Variants in LRP1B observed in about 807,000 individuals in gnomAD.
The protein encoded by LRP1B is low-density lipoprotein receptor-related protein 1B.
LRP1B carries 217 observed loss-of-function variants against 556.6 expected under a neutral mutation model. The observed-to-expected ratio is 0.39, with a 90% CI of 0.35 to 0.44. The LOEUF (loss-of-function observed/expected upper bound fraction) is 0.44. Among genes scored for constraint, LRP1B ranks in the 20% least tolerant of loss-of-function variants. The pLI is 1.00. For synonymous variants in LRP1B, 2,047 were observed against 1,865.8 expected (o/e 1.10, Z -2.50); for missense variants, 5,053 against 5,620.8 (o/e 0.90, Z 3.23).
chr2:141,988,966 A>G (rs1160023150), intron 1 of LRP1B, among the ~76,000 whole-genome samples: 3 of 152,078 alleles, frequency 2.0e-5, no homozygotes, highest in African/African-American at 7.2e-5. Context: ...TGTGTATAAA[A>G]TAGATGTGTT....
intron 1 of LRP1B, among the ~76,000 whole-genome samples, chr2:141,905,533 G>A (rs1034047339): frequency 2.6e-5 from 4 of 151,476 alleles, no homozygotes; most frequent in East Asian, 1.9e-4. Context: ...AAATTGTCAA[G>A]TGATGGTTCT....
chr2:140,861,193 G>A (rs1692786682), intron 27 of LRP1B, among the ~76,000 whole-genome samples: 1 of 152,164 alleles, frequency 6.6e-6, no homozygotes, highest in Non-Finnish European at 1.5e-5. Flanking sequence ...GATCACCTGA[G>A]GTCAGGAGAT....
chr2:140,660,854 T>C (rs1036453131), intron 41 of LRP1B, among the ~76,000 whole-genome samples: 1 of 144,526 alleles, frequency 6.9e-6, no homozygotes, highest in African/African-American at 2.7e-5. Context: ...CCCATTAGGT[T>C]CTTCCTGTCT....
chr2:141,806,519 G>T (rs374370295), intron 2 of LRP1B, among the ~76,000 whole-genome samples: 1 of 151,860 alleles, frequency 6.6e-6, no homozygotes, highest in Admixed American at 6.6e-5. Flanking sequence ...TTTTCCAATT[G>T]TGTATTTTAG....
chr2:141,844,676 T>A (rs780854184), intron 1 of LRP1B, among the ~76,000 whole-genome samples: 1 of 152,068 alleles, frequency 6.6e-6, no homozygotes, highest in Non-Finnish European at 1.5e-5. Context: ...TGAAACCTCT[T>A]TGTCTTAGAA....
chr2:141,141,954 A>C (rs910646665), intron 7 of LRP1B, among the ~76,000 whole-genome samples: 1 of 152,220 alleles, frequency 6.6e-6, no homozygotes, highest in East Asian at 1.9e-4. Context: ...ATCAACAAAA[A>C]GGCTAATAAA....
rs113410575 is a variant in LRP1B at position 141,433,140 on chromosome 2, T to G, written c.343+47256A>C. ...AACTTTACTTGTGATATCTTCCTGATGCATTGGTTATTCAGGAGTGTATTT... is the reference window on the plus strand; with the variant it reads ...AACTTTACTTGTGATATCTTCCTGAGGCATTGGTTATTCAGGAGTGTATTT... On this transcript the variant is annotated intron_variant, in intron 3 of 90. Transcript: ENST00000389484. Among the ~76,000 whole-genome samples the G allele has an allele frequency of 5.7e-3, 875 of 152,266 alleles. 6 individuals are homozygous for G. Among genetic ancestry groups the G allele is most frequent in the Non-Finnish European group, 0.01 (682 of 67,950 alleles).
In LRP1B at chr2:141,280,423, A is replaced by G. The variant is rs1037029751; in HGVS notation, c.344-25782T>C. On this transcript the variant is annotated intron_variant, in intron 3 of 90. Transcript: ENST00000389484. ...TTTAACACATATAATAGACTACGTT[A>G]GAAACTAAACAAGTAAATAAAAAAT... 2.0e-5 allele frequency among the ~76,000 whole-genome samples: 3 copies of G among 152,122 alleles called. No individual in the cohort carries two copies. The South Asian group carries it at 6.2e-4, about 31-fold the overall frequency.
chr2:140,679,132 C>T (rs1685775162), intron 41 of LRP1B, among the ~76,000 whole-genome samples: 1 of 152,114 alleles, frequency 6.6e-6, no homozygotes, highest in Admixed American at 6.5e-5. Flanking sequence ...ACAGAGTTCT[C>T]CCTGGGTCTG....
At chr2:140,835,897 T>TGGAC (rs1691885877) in intron 31 of LRP1B, among the ~76,000 whole-genome samples, 1 of 152,182 alleles carries the variant, frequency 6.6e-6, no homozygotes, top group Non-Finnish European at 1.5e-5. Flanking sequence ...TGCACGTTAA[T>TGGAC]ACAGTTGAAT....
chr2:141,224,524 G>A (rs1683170613), intron 6 of LRP1B, among the ~76,000 whole-genome samples: 1 of 152,156 alleles, frequency 6.6e-6, no homozygotes, highest in Non-Finnish European at 1.5e-5. Context: ...TGTAAAGATA[G>A]ATGCACGTGT....
At chr2:141,285,279 G>C (rs928391675) in intron 3 of LRP1B, among the ~76,000 whole-genome samples, 1 of 151,092 alleles carries the variant, frequency 6.6e-6, no homozygotes, top group South Asian at 2.1e-4. Flanking sequence ...AGTAGAGACA[G>C]GGTTTCACTA....
intron 37 of LRP1B, 142 bp from the exon 38 acceptor site, chr2:140,702,695 G>A (rs1686693596): frequency 2.8e-6 from 2 of 707,668 alleles, no homozygotes; most frequent in Admixed American, 6.5e-5. Flanking sequence ...TATACAGTGT[G>A]CTTATGGTTC....
intron 2 of LRP1B, among the ~76,000 whole-genome samples, chr2:141,502,753 G>A (rs1683766993): frequency 6.6e-6 from 1 of 151,994 alleles, no homozygotes; most frequent in Admixed American, 6.6e-5. Context: ...CAGCTACTCA[G>A]GAGGCTGAGG....
chr2:140,323,329 CAT>C (rs1293660457), intron 81 of LRP1B, among the ~76,000 whole-genome samples: 2 of 151,926 alleles, frequency 1.3e-5, no homozygotes, highest in Non-Finnish European at 2.9e-5. Flanking sequence ...AACAATAAGT[CAT>C]ATACAATAAA....
chr2:141,269,049 C>T (rs1239985260), intron 3 of LRP1B, among the ~76,000 whole-genome samples: 2 of 152,162 alleles, frequency 1.3e-5, no homozygotes, highest in African/African-American at 4.8e-5. Flanking sequence ...GTCCCCAGCT[C>T]CAGAGCCATG....
At chr2:141,100,080 CCTGGATTTTATATCTCTTATT>C (rs1325121684) in intron 7 of LRP1B, among the ~76,000 whole-genome samples, 2 of 152,108 alleles carry the variant, frequency 1.3e-5, no homozygotes, top group Non-Finnish European at 2.9e-5. Context: ...GATCTCTTAT[CCTGGATTTTATATCTCTTATT>C]GCTGAACTCC....
At chr2:141,392,334 GAA>G (rs1245776701) in intron 3 of LRP1B, among the ~76,000 whole-genome samples, 1 of 151,800 alleles carries the variant, frequency 6.6e-6, no homozygotes, top group South Asian at 2.1e-4. Context: ...GTGCTATTTT[GAA>G]TGAATTTTAG....
chr2:140,750,166 C>T (rs536592887), intron 35 of LRP1B, among the ~76,000 whole-genome samples: 2 of 152,084 alleles, frequency 1.3e-5, no homozygotes, highest in South Asian at 2.1e-4. Flanking sequence ...TAATGTAGTC[C>T]TTTTTTCATG....
Sources: allele counts gnomAD v4.1 joint callset (sites outside exome capture counted in the v4.1 genomes callset), GRCh38; gene constraint gnomAD v4.1.1; transcripts MANE v1.5; gene names NCBI Gene and HGNC (gene_info 2026-07-23, HGNC 2026-07-21).